Variants in SEMA3C observed in about 807,000 individuals in gnomAD.
SEMA3C encodes the protein semaphorin 3C.
Under a neutral mutation model 89.4 loss-of-function variants are expected in SEMA3C, and 47 were observed. The observed-to-expected ratio is 0.53, with a 90% confidence interval of 0.42 to 0.67. The LOEUF is 0.67. Among genes scored for constraint, SEMA3C ranks in the 30% least tolerant of loss-of-function variants. SEMA3C has a pLI of 0.00. For synonymous variants in SEMA3C, 310 were observed against 320.2 expected, an observed-to-expected ratio of 0.97 and a Z score of 0.34; for missense variants, 839 against 929.1, an observed-to-expected ratio of 0.90 and a Z score of 1.26.
At chr7:80,905,597 C>T (rs551589000) in intron 2 of SEMA3C, among the ~76,000 whole-genome samples, 4 of 152,212 alleles carry the variant, frequency 2.6e-5, no homozygotes, top group African/African-American at 7.2e-5. Flanking sequence ...AAGCTCATCC[C>T]GGGCATTCCA....
chr7:80,894,172 A>C (rs1023168759), intron 2 of SEMA3C, among the ~76,000 whole-genome samples: 1 of 152,192 alleles, frequency 6.6e-6, no homozygotes, highest in African/African-American at 2.4e-5. Context: ...TGAATACTGT[A>C]ATTACAATTT....
chr7:80,821,544 C>T (rs759567952), intron 4 of SEMA3C, among the ~76,000 whole-genome samples: 3 of 152,212 alleles, frequency 2.0e-5, no homozygotes, highest in South Asian at 2.1e-4. Context: ...CTCAGCCTCC[C>T]GAGTAGCTGG....
At position 80,751,269 on chromosome 7, in the gene SEMA3C, C is replaced by T. The variant is rs1219316748; in HGVS notation, c.1711G>A (p.Ala571Thr). 6.2e-7 allele frequency: 1 copy of T among 1,613,400 alleles called. No homozygotes were observed. The highest frequency in any genetic ancestry group is 1.3e-5 in the African/African-American group (1 of 74,874). ...ATTGGCCATTGCTCACTTTTAATAC[C>T]TTTTAGATTAAATCCTCTGCATTGA... ...LTQCRGFNLK[A>T]YRNAAEIVQY... The change falls in exon 16 of 18, where the codon GCA (alanine) becomes ACA (threonine). Residue 571 changes from alanine (A) to threonine (T), a missense_variant and splice_region_variant. Ala to Thr is a moderately conservative substitution (Grantham distance 58). Coordinates refer to ENST00000265361, the MANE Select transcript of SEMA3C (RefSeq NM_006379.5).
At chr7:80,751,059 C>A (rs1023468859) in intron 16 of SEMA3C, among the ~76,000 whole-genome samples, 4 of 152,204 alleles carry the variant, frequency 2.6e-5, no homozygotes, top group Middle Eastern at 6.8e-3. Flanking sequence ...TTGAAGTATG[C>A]GTGTTCCCAG....
At chr7:80,819,117 G>A (rs1789683323) in intron 4 of SEMA3C, among the ~76,000 whole-genome samples, 1 of 151,822 alleles carries the variant, frequency 6.6e-6, no homozygotes, top group Non-Finnish European at 1.5e-5. Context: ...ATTTGAAAAT[G>A]CTCTCAAATT....
At position 80,745,259 on chromosome 7, in the gene SEMA3C, G is replaced by C; in HGVS notation, c.1891C>G (p.Arg631Gly). 1 of 1,613,904 alleles carries C rather than the reference G, an allele frequency of 6.2e-7. No homozygotes were observed. Among genetic ancestry groups the C allele is most frequent in the Non-Finnish European group, 8.5e-7 (1 of 1,179,904 alleles). ...IIATSQGLLI[R>G]SVQGSDQGLY... is the part of the protein sequence containing the mutation. ...CCTTGGTCAGAACCCTGAACAGAGC[G>C]GATCAGGAGTCCCTGTGAAGTGGCT... The change falls in exon 18 of 18, where the codon CGC (arginine) becomes GGC (glycine). Residue 631 changes from arginine (R) to glycine (G), a missense_variant. Arg to Gly is a moderately radical substitution (Grantham distance 125, BLOSUM62 -2). Transcript: ENST00000265361.
chr7:80,748,870 T>G, intron 17 of SEMA3C, 28 bp downstream of exon 17: 3 of 1,590,672 alleles, frequency 1.9e-6, no homozygotes, highest in Non-Finnish European at 2.6e-6. Flanking sequence ...GAAGCCCTGA[T>G]GGATTGCTGC....
intron 10 of SEMA3C, 114 bp downstream of exon 10, chr7:80,800,643 A>G: frequency 4.6e-6 from 3 of 645,790 alleles, no homozygotes; most frequent in Non-Finnish European, 7.9e-6. Context: ...GAAGGATTAC[A>G]TCCCAAATGA....
chr7:80,779,295 T>C (rs1379407109), intron 12 of SEMA3C, among the ~76,000 whole-genome samples: 1 of 152,152 alleles, frequency 6.6e-6, no homozygotes, highest in African/African-American at 2.4e-5. Context: ...CAATTTAGAC[T>C]CTCATGCATA....
At chr7:80,831,351 T>C (rs747704882) in intron 2 of SEMA3C, among the ~76,000 whole-genome samples, 8 of 152,332 alleles carry the variant, frequency 5.3e-5, no homozygotes, top group Admixed American at 3.3e-4. Flanking sequence ...GTTGTGAAGT[T>C]TAAACTGTTG....
At chr7:80,865,007 A>T (rs1198746128) in intron 2 of SEMA3C, among the ~76,000 whole-genome samples, 2 of 152,090 alleles carry the variant, frequency 1.3e-5, no homozygotes, top group African/African-American at 4.8e-5. Context: ...TCACATATTA[A>T]ACGGTTTGTT....
intron 2 of SEMA3C, among the ~76,000 whole-genome samples, chr7:80,909,282 C>T (rs1000896316): frequency 6.6e-6 from 1 of 152,252 alleles, no homozygotes; most frequent in Middle Eastern, 3.4e-3. Context: ...CATTCTGTCT[C>T]CCTTCTCTGA....
chr7:80,746,796 G>A (rs1787812633), intron 17 of SEMA3C, among the ~76,000 whole-genome samples: 1 of 147,460 alleles, frequency 6.8e-6, no homozygotes, highest in Admixed American at 6.9e-5. Flanking sequence ...ATAACTCTTG[G>A]GAACCTTACT....
upstream of SEMA3C, chr7:80,922,228 C>G: frequency 7.8e-7 from 1 of 1,285,146 alleles, no homozygotes; most frequent in Non-Finnish European, 1.0e-6. Flanking sequence ...GCCGTAATGT[C>G]TCAGGTTTTT....
intron 14 of SEMA3C, among the ~76,000 whole-genome samples, chr7:80,760,043 A>G (rs1788149334): frequency 6.6e-6 from 1 of 152,232 alleles, no homozygotes; most frequent in African/African-American, 2.4e-5. Flanking sequence ...ATAAGAGAGC[A>G]TAAGATGGAT....
At chr7:80,751,958 A>C (rs1787946108) in intron 15 of SEMA3C, among the ~76,000 whole-genome samples, 1 of 152,224 alleles carries the variant, frequency 6.6e-6, no homozygotes, top group African/African-American at 2.4e-5. Context: ...TGGTATACCT[A>C]GATTCACAAA....
chr7:80,810,370 TA>T (rs1473196187), intron 6 of SEMA3C, among the ~76,000 whole-genome samples: 1 of 152,142 alleles, frequency 6.6e-6, no homozygotes, highest in East Asian at 1.9e-4. Flanking sequence ...TACACACTTA[TA>T]AAAAATGCTT....
intron 2 of SEMA3C, among the ~76,000 whole-genome samples, chr7:80,839,199 A>G (rs1790207175): frequency 6.6e-6 from 1 of 152,176 alleles, no homozygotes; most frequent in African/African-American, 2.4e-5. Context: ...GACAACACAG[A>G]TGAGCTATCA....
chr7:80,901,335 T>C (rs929785426), intron 2 of SEMA3C, among the ~76,000 whole-genome samples: 11 of 152,190 alleles, frequency 7.2e-5, no homozygotes, highest in African/African-American at 2.7e-4. Context: ...GTAATTTCCA[T>C]TAGGCAAAAC....
Sources: gnomAD v4.1 joint callset for allele counts (sites outside exome capture counted in the v4.1 genomes callset) on GRCh38, gnomAD v4.1.1 for gene constraint, MANE v1.5 for transcripts, NCBI Gene and HGNC (gene_info 2026-07-23, HGNC 2026-07-21) for gene names.